Variants in PRKCH observed in about 807,000 individuals in gnomAD.
PRKCH encodes protein kinase C eta type.
Under a neutral mutation model 82.5 loss-of-function variants are expected in PRKCH, and 28 were observed. The observed-to-expected ratio is 0.34, with a 90% CI of 0.25 to 0.47. The LOEUF is 0.47. Ranked by LOEUF, PRKCH falls within the 20% of genes least tolerant of loss-of-function variation. PRKCH has a pLI of 1.00. For synonymous variants in PRKCH, 322 were observed against 327.4 expected (o/e 0.98, Z 0.18); for missense variants, 705 against 881.8 (o/e 0.80, Z 2.54).
intron 2 of PRKCH, among the ~76,000 whole-genome samples, chr14:61,430,346 T>C (rs943215015): frequency 4.6e-5 from 7 of 152,236 alleles, no homozygotes; most frequent in Non-Finnish European, 1.0e-4. Flanking sequence ...GAACTTTTCA[T>C]ATTTTTAGTG....
intron 1 of PRKCH, among the ~76,000 whole-genome samples, chr14:61,258,040 G>C (rs192584828): frequency 1.3e-5 from 2 of 152,060 alleles, no homozygotes; most frequent in Admixed American, 6.5e-5. Context: ...GAAACGTACT[G>C]GCAGAGATTC....
intron 12 of PRKCH, among the ~76,000 whole-genome samples, chr14:61,531,424 C>T (rs1396935487): frequency 2.0e-5 from 3 of 152,178 alleles, no homozygotes; most frequent in Non-Finnish European, 4.4e-5. Flanking sequence ...GAATTACTAT[C>T]CTTAAGTTAT....
At position 61,335,836 on chromosome 14, in the gene PRKCH, A is replaced by G. The variant is rs373782858; in HGVS notation, c.363+13372A>G. Among the ~76,000 whole-genome samples, 12 of 152,376 alleles carry G rather than the reference A, an allele frequency of 7.9e-5. No homozygotes were observed. In the East Asian group the frequency reaches 1.2e-3, roughly 15 times the overall value. On this transcript the variant is annotated intron_variant, in intron 1 of 13. Coordinates refer to ENST00000332981, the MANE Select transcript of PRKCH (RefSeq NM_006255.5). Reference sequence around the variant, plus strand: ...GAATTAGGATGCAGAATCTATAATTATGGACTAATGATACACAAATACAGG... The same window carrying G: ...GAATTAGGATGCAGAATCTATAATTGTGGACTAATGATACACAAATACAGG...
chr14:61,194,498 G>T (rs2044428422), intron 1 of PRKCH, among the ~76,000 whole-genome samples: 1 of 152,152 alleles, frequency 6.6e-6, no homozygotes, highest in Non-Finnish European at 1.5e-5. Flanking sequence ...TCATCTATAA[G>T]CCAGAAAGCA....
At chr14:61,274,059 G>C (rs578201854) in intron 1 of PRKCH, among the ~76,000 whole-genome samples, 1 of 152,312 alleles carries the variant, frequency 6.6e-6, no homozygotes, top group Admixed American at 6.5e-5. Flanking sequence ...AATGCTCCGA[G>C]AAAGAAATGG....
chr14:61,212,141 C>T (rs2044586635), intron 1 of PRKCH, among the ~76,000 whole-genome samples: 1 of 152,172 alleles, frequency 6.6e-6, no homozygotes, highest in African/African-American at 2.4e-5. Context: ...GGCTTTCAGG[C>T]TGGCTTAGAA....
At chr14:61,274,529 G>A (rs2045185904) in intron 1 of PRKCH, among the ~76,000 whole-genome samples, 2 of 152,194 alleles carry the variant, frequency 1.3e-5, no homozygotes, top group Non-Finnish European at 2.9e-5. Context: ...CTGGGCCAGG[G>A]CAGTGATAAA....
At chr14:61,512,249 CTTTTTTTTTTT>C (rs11342820) in intron 10 of PRKCH, among the ~76,000 whole-genome samples, 1 of 118,538 alleles carries the variant, frequency 8.4e-6, no homozygotes, top group Non-Finnish European at 1.7e-5. Flanking sequence ...TCACATGACC[CTTTTTTTTTTT>C]TTTTTTTTTT....
In PRKCH at chr14:61,321,964, G is replaced by C; in HGVS notation, c.-138G>C. On this transcript the variant is annotated 5_prime_UTR_variant, in exon 1 of 14. Coordinates refer to ENST00000332981, the MANE Select transcript of PRKCH (RefSeq NM_006255.5). This position sits in a 1 kb window ranked among gnomAD's most constrained non-coding sequence, Gnocchi z 4.1. ...CACGGAGGAGGCAGAATGGCCAGTC[G>C]AGGGGCGCTTAGGCGCTGCCTTTCC... is the stretch of plus-strand genomic sequence containing the variant. The C allele has an allele frequency of 1.1e-6, 1 of 920,026 alleles. No individual in the cohort carries two copies. Among genetic ancestry groups the C allele is most frequent in the South Asian group, 1.8e-5 (1 of 55,830 alleles). The allele number at this position is 920,026 out of a possible 1,614,324, so 57.0% of individuals were successfully genotyped here.
intron 6 of PRKCH, among the ~76,000 whole-genome samples, chr14:61,451,376 A>AGGTGAGGG (rs1385208082): frequency 6.6e-6 from 1 of 152,228 alleles, no homozygotes; most frequent in East Asian, 1.9e-4. Context: ...GGAGGTGAGG[A>AGGTGAGGG]GGTGAGATGG....
intron 1 of PRKCH, among the ~76,000 whole-genome samples, chr14:61,283,293 T>C (rs1370317631): frequency 6.6e-6 from 1 of 152,206 alleles, no homozygotes; most frequent in African/African-American, 2.4e-5. Flanking sequence ...CTAAAGGTAC[T>C]AGTTTATTCA....
intron 1 of PRKCH, among the ~76,000 whole-genome samples, chr14:61,230,498 C>T (rs968930589): frequency 1.3e-5 from 2 of 152,194 alleles, no homozygotes; most frequent in African/African-American, 4.8e-5. Flanking sequence ...TGCAATAATA[C>T]CTGAAAGCCA....
intron 1 of PRKCH, among the ~76,000 whole-genome samples, chr14:61,294,827 G>A (rs1458269310): frequency 6.6e-6 from 1 of 152,128 alleles, no homozygotes; most frequent in African/African-American, 2.4e-5. Flanking sequence ...TTAGTGGTCA[G>A]GCTACCAGTA....
chr14:61,385,422 C>T (rs1023946795), intron 1 of PRKCH, among the ~76,000 whole-genome samples: 19 of 152,096 alleles, frequency 1.2e-4, no homozygotes, highest in Admixed American at 1.1e-3. Context: ...AACCACTGCA[C>T]GAGCACAGGA....
intron 1 of PRKCH, among the ~76,000 whole-genome samples, chr14:61,284,305 G>T (rs960449149): frequency 6.6e-6 from 1 of 152,250 alleles, no homozygotes; most frequent in African/African-American, 2.4e-5. Context: ...AGGTATTGCA[G>T]TCCTTGTGGA....
intron 1 of PRKCH, among the ~76,000 whole-genome samples, chr14:61,342,984 G>A (rs1409488176): frequency 6.6e-6 from 1 of 152,228 alleles, no homozygotes; most frequent in Admixed American, 6.5e-5. Context: ...GGAGAAGGCA[G>A]TTCTGTCTCT....
intron 2 of PRKCH, among the ~76,000 whole-genome samples, chr14:61,424,921 TAA>T (rs770782880): frequency 6.6e-6 from 1 of 152,214 alleles, no homozygotes; most frequent in African/African-American, 2.4e-5. Flanking sequence ...GGCAAATTTT[TAA>T]AAAGTCAGCT....
intron 2 of PRKCH, among the ~76,000 whole-genome samples, chr14:61,423,668 G>T (rs1488919111): frequency 6.6e-6 from 1 of 152,166 alleles, no homozygotes; most frequent in African/African-American, 2.4e-5. Flanking sequence ...GTTTGTTTGT[G>T]TAGGGGAGTG....
Position 61,280,942 on chromosome 14 carries a change from C to A in PRKCH, c.-19+93274C>A. 6.5e-7 allele frequency: 1 copy of A among 1,540,462 alleles called. No individual in the cohort carries two copies. The highest frequency in any genetic ancestry group is 8.7e-7 in the Non-Finnish European group (1 of 1,146,950). ...CGAGCAGTTACCGGTGCCCGGGTCG[C>A]CTGTATAGTCGTACTCCAGCTCCTT... is the stretch of plus-strand genomic sequence containing the variant. On this transcript the variant is annotated intron_variant, in intron 1 of 3. Coordinates refer to the PRKCH transcript ENST00000555185. The surrounding 1 kb of genome is among the most constrained non-coding windows in gnomAD (Gnocchi z 5.0).
Sources: allele counts gnomAD v4.1 joint callset (sites outside exome capture counted in the v4.1 genomes callset), GRCh38; gene constraint gnomAD v4.1.1; non-coding constraint Gnocchi (gnomAD v3.1); transcripts MANE v1.5; gene names NCBI Gene and HGNC (gene_info 2026-07-23, HGNC 2026-07-21).